SLC30A10: variants seen among roughly 807,000 people sequenced by gnomAD.
SLC30A10 encodes the protein calcium/manganese antiporter SLC30A10.
SLC30A10 carries 8 observed loss-of-function variants against 21.7 expected under a neutral mutation model. The observed-to-expected ratio is 0.37, with a 90% CI of 0.22 to 0.67. SLC30A10 has a LOEUF of 0.67. SLC30A10 is among the 30% of genes least tolerant of loss of function. The pLI, the probability that SLC30A10 is intolerant of heterozygous loss-of-function variation, is 0.58. For synonymous variants in SLC30A10, 272 were observed against 279.4 expected, an observed-to-expected ratio of 0.97 and a Z score of 0.26; for missense variants, 521 against 642.5, an observed-to-expected ratio of 0.81 and a Z score of 2.04.
chr1:219,947,685 G>A (rs1387672241), intron 1 of SLC30A10, among the ~76,000 whole-genome samples: 1 of 152,034 alleles, frequency 6.6e-6, no homozygotes, highest in Non-Finnish European at 1.5e-5. Context: ...AGGTGTGGTG[G>A]CTCACACCTG....
Position 219,928,302 on chromosome 1 carries a change from C to T in SLC30A10, c.139G>A (p.Asp47Asn). The T allele has an allele frequency of 1.2e-6, 2 of 1,609,042 alleles. No homozygotes were observed. Among genetic ancestry groups the T allele is most frequent in the South Asian group, 1.1e-5 (1 of 90,340 alleles). Residue 47 changes from aspartate to asparagine, a missense_variant, in exon 1 of 4, where the codon GAC becomes AAC. Physicochemically the swap from Asp to Asn is conservative, Grantham distance 23. Transcript: ENST00000366926. This position sits in a 1 kb window ranked among gnomAD's most constrained non-coding sequence, Gnocchi z 6.3. ...LLSDSFNMLS[D>N]LISLCVGLSA... ...AGGCCCACGCACAGCGAGATCAGGT[C>T]GGAGAGCATGTTGAAGGAGTCGGAG...
At position 219,918,547 on chromosome 1, in the gene SLC30A10, AC is replaced by A; in HGVS notation, c.719-54del. On this transcript the variant is annotated intron_variant, in intron 2 of 3. Transcript: ENST00000366926. This position sits in a 1 kb window ranked among gnomAD's most constrained non-coding sequence, Gnocchi z 4.4. ...CAGATGCAAATCTGGAAGCCACGTG[AC>A]ACTCACTGACTTGGGTGTCCGGGTA... The A allele has an allele frequency of 2.6e-6, 4 of 1,524,716 alleles. No homozygotes were observed. The highest frequency in any genetic ancestry group is 1.3e-5 in the South Asian group (1 of 76,138). 94.4% of individuals were successfully genotyped at this position (1,524,716 alleles called of 1,614,324 possible).
chr1:219,941,160 TC>T (rs1166374660), intron 1 of SLC30A10, among the ~76,000 whole-genome samples: 1 of 152,158 alleles, frequency 6.6e-6, no homozygotes, highest in African/African-American at 2.4e-5. Flanking sequence ...AGAAGCACGT[TC>T]CAAACTTCAG....
At chr1:219,927,409 A>C (rs1405796164) in intron 1 of SLC30A10, among the ~76,000 whole-genome samples, 1 of 152,068 alleles carries the variant, frequency 6.6e-6, no homozygotes, top group Non-Finnish European at 1.5e-5. Context: ...GGGGGAGAAC[A>C]ACAAAATTCA....
At chr1:219,941,549 T>TTTCC (rs200512442) in intron 1 of SLC30A10, among the ~76,000 whole-genome samples, 6 of 101,468 alleles carry the variant, frequency 5.9e-5, no homozygotes, top group Middle Eastern at 4.5e-3. Context: ...TCCTTCCTTC[T>TTTCC]TTCCTTCCTT....
At chr1:219,949,086 A>G (rs1016720318) in intron 1 of SLC30A10, among the ~76,000 whole-genome samples, 3 of 152,102 alleles carry the variant, frequency 2.0e-5, no homozygotes, top group Non-Finnish European at 2.9e-5. Context: ...TTAGAATGGC[A>G]ATCATTAAAA....
chr1:219,945,653 AG>A (rs1287174113), intron 1 of SLC30A10, among the ~76,000 whole-genome samples: 1 of 152,248 alleles, frequency 6.6e-6, no homozygotes, highest in Non-Finnish European at 1.5e-5. Flanking sequence ...TACAAGGAAC[AG>A]GGGAAAGCCA....
At position 219,934,013 on chromosome 1, in the gene SLC30A10, G is replaced by T. The variant is rs1615697; in HGVS notation, n.81-6908C>A. Reference sequence around the variant, plus strand: ...ACTAAAACTGCCAAATAAAGGCCGGGTGTGGTGGCTCACATCTGTAATCCC... The same window carrying T: ...ACTAAAACTGCCAAATAAAGGCCGGTTGTGGTGGCTCACATCTGTAATCCC... On this transcript the variant is annotated intron_variant and non_coding_transcript_variant, in intron 1 of 8. Transcript: ENST00000484239. Among the ~76,000 whole-genome samples, 5 of 152,228 alleles carry T rather than the reference G, an allele frequency of 3.3e-5. No individual in the cohort carries two copies. In the South Asian group the frequency reaches 1.0e-3, roughly 32 times the overall value.
In SLC30A10 at chr1:219,918,220, G is replaced by A. The variant is rs1225849668; in HGVS notation, c.958+35C>T. The A allele has an allele frequency of 1.2e-6, 2 of 1,604,908 alleles. No homozygotes were observed. The highest frequency in any genetic ancestry group is 1.7e-6 in the Non-Finnish European group (2 of 1,175,370). On this transcript the variant is annotated intron_variant, in intron 3 of 3. Transcript: ENST00000366926. The surrounding 1 kb of genome is among the most constrained non-coding windows in gnomAD (Gnocchi z 4.4). ...CCTTTGGCCTGAATAACATTAAATT[G>A]AGAGTGGTTCTGGATCAAAATTCAG...
At chr1:219,939,515 A>AC (rs995281800) in intron 1 of SLC30A10, among the ~76,000 whole-genome samples, 6 of 150,792 alleles carry the variant, frequency 4.0e-5, no homozygotes, top group South Asian at 2.1e-4. Context: ...TGCAACCTCC[A>AC]CCCCCCCAGG....
intron 2 of SLC30A10, 134 bp downstream of exon 2, chr1:219,926,894 G>T: frequency 3.0e-6 from 2 of 657,210 alleles, no homozygotes; most frequent in East Asian, 2.6e-5. Flanking sequence ...AAAGAGAGTT[G>T]GGTCATAGTC....
rs1242113503 is a variant in SLC30A10, at chr1:219,914,371, G to T, written c.*1078C>A. Reference sequence around the variant, plus strand: ...TAAGTTCCTCAAAAACACATTAAAGGCAGCAATTAAGCTAATTCTCATTTC... The same window carrying T: ...TAAGTTCCTCAAAAACACATTAAAGTCAGCAATTAAGCTAATTCTCATTTC... On this transcript the variant is annotated 3_prime_UTR_variant, in exon 4 of 4. Coordinates refer to ENST00000366926, the MANE Select transcript of SLC30A10 (RefSeq NM_018713.3). 1.3e-5 allele frequency: 2 copies of T among 152,144 alleles called. No homozygotes were observed. The highest frequency in any genetic ancestry group is 6.5e-5 in the Admixed American group (1 of 15,278). 9.4% of individuals were successfully genotyped at this position (152,144 alleles called of 1,614,324 possible).
Position 219,911,149 on chromosome 1 carries a change from GTTTTTT to G in SLC30A10, c.*4294_*4299del. ...ATGTTTCTTCATTTTTTCTACATCA[GTTTTTT>G]TTTTTTTTTTTTTTTTTTTGCAGTC... is the stretch of plus-strand genomic sequence containing the variant. On this transcript the variant is annotated 3_prime_UTR_variant, in exon 4 of 4. Coordinates refer to ENST00000366926, the MANE Select transcript of SLC30A10 (RefSeq NM_018713.3). 4.2e-3 allele frequency among the ~76,000 whole-genome samples: 207 copies of G among 49,428 alleles called. 4 individuals are homozygous for G. Among genetic ancestry groups the G allele is most frequent in the African/African-American group, 4.9e-3 (85 of 17,180 alleles). The allele number at this position is 49,428 out of a possible 152,430, so 32.4% of individuals were successfully genotyped here. A position where few individuals can be genotyped will look rare whatever the true frequency, so the allele number is the denominator to read the frequency against.
intron 1 of SLC30A10, among the ~76,000 whole-genome samples, chr1:219,937,859 GCTCA>G (rs1660067927): frequency 6.6e-6 from 1 of 152,114 alleles, no homozygotes; most frequent in Non-Finnish European, 1.5e-5. Flanking sequence ...CTGTCTTCTA[GCTCA>G]CTGATGGTTT....
chr1:219,923,127 A>G (rs976384873), intron 2 of SLC30A10, among the ~76,000 whole-genome samples: 1 of 152,234 alleles, frequency 6.6e-6, no homozygotes, highest in Non-Finnish European at 1.5e-5. Context: ...GAATGTCAGC[A>G]GTGTTTAGAC....
upstream of SLC30A10, chr1:219,928,681 G>A (rs965605101): frequency 6.8e-6 from 3 of 444,154 alleles, no homozygotes; most frequent in African/African-American, 2.1e-5. The surrounding 1 kb of genome is among the most constrained non-coding windows in gnomAD (Gnocchi z 6.3). Context: ...CGCCTCCCGC[G>A]GCCCTTTTCC....
At chr1:219,919,532 T>C (rs551101436) in intron 2 of SLC30A10, among the ~76,000 whole-genome samples, 1 of 152,154 alleles carries the variant, frequency 6.6e-6, no homozygotes, top group East Asian at 1.9e-4. Flanking sequence ...TCCCAGCACT[T>C]TGGGAGGCCA....
At chr1:219,925,651 ATTT>A (rs1210071228) in intron 2 of SLC30A10, among the ~76,000 whole-genome samples, 35 of 48,270 alleles carry the variant, frequency 7.3e-4, no homozygotes, top group South Asian at 7.0e-3. Context: ...ATATATATAT[ATTT>A]TTTTTTTTTT....
At position 219,915,874 on chromosome 1, in the gene SLC30A10, T is replaced by C. The variant is rs1427195193; in HGVS notation, c.1033A>G (p.Ile345Val). Residue 345 changes from isoleucine (I) to valine (V), a missense_variant, in exon 4 of 4, where the codon ATT becomes GTT. Ile to Val is a conservative substitution (Grantham distance 29, BLOSUM62 3). Transcript: ENST00000366926. ...TACTTGATGTGCAGGGTGGCAATAA[T>C]CTTTCCACTTACAAGTTCCCAGATG... ...VHIWELVSGK[I>V]IATLHIKYPK... 1.9e-6 allele frequency: 3 copies of C among 1,614,228 alleles called. No individual in the cohort carries two copies. The Admixed American group carries it at 5.0e-5, about 27-fold the overall frequency.
Sources: gnomAD v4.1 joint callset for allele counts (sites outside exome capture counted in the v4.1 genomes callset) on GRCh38, gnomAD v4.1.1 for gene constraint, Gnocchi (gnomAD v3.1) non-coding constraint, MANE v1.5 for transcripts, NCBI Gene and HGNC (gene_info 2026-07-23, HGNC 2026-07-21) for gene names.